Variants in RAB27B observed in about 807,000 individuals in gnomAD.
The protein encoded by RAB27B is ras-related protein Rab-27B.
RAB27B carries 15 observed loss-of-function variants against 24.6 expected under a neutral mutation model. The ratio of observed to expected loss-of-function variants is 0.61; its 90% CI spans 0.41 to 0.94. RAB27B has a LOEUF of 0.94. Ranked by LOEUF, RAB27B falls within the 40% of genes least tolerant of loss-of-function variation. The pLI, the probability that RAB27B is intolerant of heterozygous loss-of-function variation, is 0.00. For synonymous variants in RAB27B, 105 were observed against 92.5 expected, an observed-to-expected ratio of 1.14 and a Z score of -0.78; for missense variants, 261 against 266.8, an observed-to-expected ratio of 0.98 and a Z score of 0.15.
At chr18:54,819,853 G>A (rs1217378836) in intron 2 of RAB27B, among the ~76,000 whole-genome samples, 4 of 143,656 alleles carry the variant, frequency 2.8e-5, no homozygotes, top group African/African-American at 1.0e-4. Flanking sequence ...TCCCACCTAT[G>A]AGTGAGAACA....
At chr18:54,725,207 C>G (rs1438147612) in intron 2 of RAB27B, among the ~76,000 whole-genome samples, 1 of 151,254 alleles carries the variant, frequency 6.6e-6, no homozygotes. Flanking sequence ...GAAAGAGTGC[C>G]TTTCAAGGTT....
intron 4 of RAB27B, among the ~76,000 whole-genome samples, chr18:54,887,052 T>TTCCC (rs1202510607): frequency 3.3e-5 from 3 of 90,502 alleles, no homozygotes; most frequent in Non-Finnish European, 6.2e-5. Context: ...CCTTCCTTAC[T>TTCCC]TCCCTCCCTC....
rs984251172 is a variant in RAB27B at position 54,892,316 on chromosome 18, C to T, written c.*2903C>T. 3.9e-5 allele frequency: 6 copies of T among 152,142 alleles called. No individual in the cohort carries two copies. Among genetic ancestry groups the T allele is most frequent in the Non-Finnish European group, 8.8e-5 (6 of 67,966 alleles). The allele number at this position is 152,142 out of a possible 1,614,324, so 9.4% of individuals were successfully genotyped here. A position where few individuals can be genotyped will look rare whatever the true frequency, so the allele number is the denominator to read the frequency against. ...CTCTGTGACCAAATTTGTCTCCAAC[C>T]ACATAGCTCATTTCCTATAATGTTA... is the stretch of plus-strand genomic sequence containing the variant. On this transcript the variant is annotated 3_prime_UTR_variant, in exon 6 of 6. Transcript: ENST00000262094.
At chr18:54,826,852 A>G (rs1324008044), upstream of RAB27B, among the ~76,000 whole-genome samples, 2 of 152,214 alleles carry the variant, frequency 1.3e-5, no homozygotes, top group African/African-American at 2.4e-5. Flanking sequence ...CGCCTTGCCT[A>G]TTTCACAGTA....
At chr18:54,854,624 A>G (rs910354081) in intron 1 of RAB27B, among the ~76,000 whole-genome samples, 1 of 152,244 alleles carries the variant, frequency 6.6e-6, no homozygotes, top group African/African-American at 2.4e-5. Flanking sequence ...ACAGGTTCTG[A>G]GAACTCAACA....
Position 54,764,355 on chromosome 18 carries a change from A to G in RAB27B, c.-20+46214A>G, listed in dbSNP as rs560831145. 3.0e-4 allele frequency among the ~76,000 whole-genome samples: 46 copies of G among 152,312 alleles called. 1 individual carries two copies. Among genetic ancestry groups the G allele is most frequent in the African/African-American group, 1.0e-3 (43 of 41,572 alleles). ...ACCAGACTTTGTAATTCAATTCTGT[A>G]TCTCCTGAAATGCAATATTGTAAAT... On this transcript the variant is annotated intron_variant, in intron 2 of 4. Transcript: ENST00000586570.
intron 1 of RAB27B, among the ~76,000 whole-genome samples, chr18:54,863,705 A>C (rs561289926): frequency 6.6e-6 from 1 of 152,342 alleles, no homozygotes; most frequent in South Asian, 2.1e-4. Context: ...AAAAGCGCCT[A>C]TACACTATGT....
chr18:54,755,521 A>G (rs953016819), intron 2 of RAB27B, among the ~76,000 whole-genome samples: 2 of 152,306 alleles, frequency 1.3e-5, no homozygotes, highest in Admixed American at 6.5e-5. Flanking sequence ...GACAATGACA[A>G]TGTAATCCTC....
intron 2 of RAB27B, among the ~76,000 whole-genome samples, chr18:54,781,696 C>T (rs1908923003): frequency 6.6e-6 from 1 of 152,174 alleles, no homozygotes; most frequent in Non-Finnish European, 1.5e-5. Context: ...CACCATGTTA[C>T]TACATTTATA....
intron 2 of RAB27B, among the ~76,000 whole-genome samples, chr18:54,751,136 A>C (rs1448977996): frequency 5.9e-5 from 9 of 152,162 alleles, no homozygotes; most frequent in Non-Finnish European, 1.2e-4. Flanking sequence ...GCAGTTTTAT[A>C]GCCAATTGGT....
intron 2 of RAB27B, among the ~76,000 whole-genome samples, chr18:54,817,961 A>G (rs1910170981): frequency 1.3e-5 from 2 of 152,092 alleles, no homozygotes; most frequent in Non-Finnish European, 2.9e-5. Flanking sequence ...GGCAAAATAG[A>G]TATGAGGTGG....
At chr18:54,796,784 C>T (rs1909435036) in intron 2 of RAB27B, among the ~76,000 whole-genome samples, 2 of 152,180 alleles carry the variant, frequency 1.3e-5, no homozygotes, top group Admixed American at 6.5e-5. Context: ...AGTGCTTGTT[C>T]TCACTTAGGT....
chr18:54,819,892 T>C (rs1910249038), intron 2 of RAB27B, among the ~76,000 whole-genome samples: 1 of 151,718 alleles, frequency 6.6e-6, no homozygotes, highest in South Asian at 2.1e-4. Context: ...GTCCTTGCAA[T>C]AGTTTACTGA....
intron 2 of RAB27B, among the ~76,000 whole-genome samples, chr18:54,721,922 T>C (rs1842946914): frequency 6.6e-6 from 1 of 152,156 alleles, no homozygotes; most frequent in Non-Finnish European, 1.5e-5. Context: ...ACAGCAAGTG[T>C]GTGGATTTAG....
At chr18:54,796,567 T>TC (rs913323985) in intron 2 of RAB27B, among the ~76,000 whole-genome samples, 1 of 152,008 alleles carries the variant, frequency 6.6e-6, no homozygotes, top group Non-Finnish European at 1.5e-5. Flanking sequence ...AGAGGCAGAC[T>TC]CCCCCCTCTC....
intron 2 of RAB27B, among the ~76,000 whole-genome samples, chr18:54,725,596 C>G (rs9319860): frequency 0.83 from 125,445 of 151,292 alleles, 52,890 homozygotes; most frequent in African/African-American, 0.92. Context: ...CGGCATGGCA[C>G]GGGAGGCCTC....
chr18:54,776,064 ATTTG>A (rs1488146068), intron 2 of RAB27B, among the ~76,000 whole-genome samples: 1 of 152,214 alleles, frequency 6.6e-6, no homozygotes, highest in Admixed American at 6.5e-5. Flanking sequence ...TATAAATCCT[ATTTG>A]TTTGCAAATT....
chr18:54,837,299 T>C (rs1466883407), intron 1 of RAB27B, among the ~76,000 whole-genome samples: 1 of 152,086 alleles, frequency 6.6e-6, no homozygotes, highest in Admixed American at 6.6e-5. Context: ...GTTATATTAA[T>C]ATTAAAGGAA....
At chr18:54,766,332 T>C (rs568397115) in intron 2 of RAB27B, among the ~76,000 whole-genome samples, 1 of 152,274 alleles carries the variant, frequency 6.6e-6, no homozygotes, top group South Asian at 2.1e-4. Flanking sequence ...AGAAGTTGTT[T>C]TGCAGTTGAG....
Sources: allele counts gnomAD v4.1 joint callset (sites outside exome capture counted in the v4.1 genomes callset), GRCh38; gene constraint gnomAD v4.1.1; transcripts MANE v1.5; gene names NCBI Gene and HGNC (gene_info 2026-07-23, HGNC 2026-07-21).